Variants in VWF observed in about 807,000 individuals in gnomAD.
VWF encodes Factor VIII related antigen.
A neutral mutation model predicts 308.6 loss-of-function variants in VWF; 176 were observed. The observed-to-expected ratio is 0.57, with a 90% CI of 0.50 to 0.65. VWF has a LOEUF of 0.65. Ranked by LOEUF, VWF falls within the 30% of genes least tolerant of loss-of-function variation. The pLI is 0.00. For synonymous variants in VWF, 1,385 were observed against 1,443.4 expected, an observed-to-expected ratio of 0.96 and a Z score of 0.92; for missense variants, 3,146 against 3,648.2, an observed-to-expected ratio of 0.86 and a Z score of 3.55.
At chr12:5,978,152 C>T (rs906347821) in intron 42 of VWF, among the ~76,000 whole-genome samples, 1 of 147,916 alleles carries the variant, frequency 6.8e-6, no homozygotes, top group Non-Finnish European at 1.5e-5. Context: ...TATATTACAT[C>T]ATAATATAAT....
intron 34 of VWF, among the ~76,000 whole-genome samples, chr12:6,001,771 G>A (rs909252133): frequency 2.6e-5 from 4 of 152,128 alleles, no homozygotes; most frequent in Admixed American, 1.3e-4. Flanking sequence ...GGAAGAGAGC[G>A]AGGGATCTCA....
In VWF at chr12:5,953,614, A is replaced by G. The variant is rs927516240; in HGVS notation, c.7888-20T>C. The G allele has an allele frequency of 6.2e-6, 10 of 1,605,584 alleles. No individual in the cohort carries two copies. Among genetic ancestry groups the G allele is most frequent in the Non-Finnish European group, 8.5e-6 (10 of 1,172,258 alleles). ...GTAACCCTGCATCCAGAGGGGGAAA[A>G]AGCAGCCATAGTTAACCTCCTTAAA... On this transcript the variant is annotated intron_variant, in intron 47 of 51. Coordinates refer to ENST00000261405, the MANE Select transcript of VWF (RefSeq NM_000552.5).
intron 6 of VWF, among the ~76,000 whole-genome samples, chr12:6,090,837 C>T (rs1476930026): frequency 5.9e-5 from 9 of 152,250 alleles, no homozygotes. Context: ...CTCAAACCCA[C>T]ACCCTTAGCA....
chr12:6,039,458 C>T (rs943235193), intron 18 of VWF, among the ~76,000 whole-genome samples: 2 of 152,250 alleles, frequency 1.3e-5, no homozygotes, highest in Non-Finnish European at 2.9e-5. Flanking sequence ...CATTCTCCTA[C>T]CCCATCAGTA....
intron 16 of VWF, among the ~76,000 whole-genome samples, chr12:6,047,469 A>G (rs216299): frequency 0.88 from 134,409 of 152,228 alleles, 59,459 homozygotes; most frequent in Middle Eastern, 0.91. Context: ...CAGAAACCCA[A>G]GATCATCCCT....
intron 6 of VWF, among the ~76,000 whole-genome samples, chr12:6,092,565 T>C (rs1945049696): frequency 6.9e-6 from 1 of 145,236 alleles, no homozygotes; most frequent in Non-Finnish European, 1.5e-5. Context: ...GCCCAGCTAG[T>C]GTGTGTGCGT....
At chr12:6,095,714 CTA>C in intron 5 of VWF, 130 bp from the exon 6 acceptor site, 10 of 1,357,238 alleles carry the variant, frequency 7.4e-6, no homozygotes, top group South Asian at 1.2e-5. Flanking sequence ...CAGGGTCTGG[CTA>C]TGTTTCCCAG....
At position 6,052,738 on chromosome 12, in the gene VWF, G is replaced by A. The variant is rs202186148; in HGVS notation, c.1991C>T (p.Pro664Leu). Residue 664 changes from proline (P) to leucine (L), a missense_variant, in exon 16 of 52, where the codon CCC becomes CTC. Physicochemically the swap from Pro to Leu is moderately conservative, Grantham distance 98. Around this residue, in one of 3 missense-constraint regions of VWF, gnomAD observed 1,304 missense variants for 1,353.0 expected, o/e 0.96. Transcript: ENST00000261405. The stretch of plus-strand genomic sequence containing the variant: ...GAGAGAGCGGCAGGTCAGGTTGCAG[G>A]GGGTCCCGCACTGCAGGTACACCTG... ...KGQVYLQCGT[P>L]CNLTCRSLSY... The A allele has an allele frequency of 3.7e-6, 6 of 1,614,154 alleles. No homozygotes were observed. The African/African-American group carries it at 6.7e-5, about 18-fold the overall frequency.
Position 6,056,760 on chromosome 12 carries a change from T to C in VWF, c.1945+97A>G. On this transcript the variant is annotated intron_variant, in intron 15 of 51. Transcript: ENST00000261405. Reference sequence around the variant, plus strand: ...GTTTGTCACAATGCCCTACGCCCTCTTTCCACAGGAAACAACGCAGAGAAA... The same window carrying C: ...GTTTGTCACAATGCCCTACGCCCTCCTTCCACAGGAAACAACGCAGAGAAA... 16 of 1,127,740 alleles carry C rather than the reference T, an allele frequency of 1.4e-5. No individual in the cohort carries two copies. In the South Asian group the frequency reaches 3.8e-4, roughly 27 times the overall value. The allele number at this position is 1,127,740 out of a possible 1,614,324, so 69.9% of individuals were successfully genotyped here. A position where few individuals can be genotyped will look rare whatever the true frequency, so the allele number is the denominator to read the frequency against.
chr12:6,008,495 C>G (rs981433766), intron 34 of VWF, among the ~76,000 whole-genome samples: 1 of 152,102 alleles, frequency 6.6e-6, no homozygotes, highest in Non-Finnish European at 1.5e-5. Flanking sequence ...AAACATTCAA[C>G]AAACTAAGAA....
chr12:5,988,387 C>T (rs1021505484), intron 38 of VWF, among the ~76,000 whole-genome samples: 11 of 152,116 alleles, frequency 7.2e-5, no homozygotes, highest in African/African-American at 1.4e-4. Context: ...GCGCTGGCCT[C>T]GGAGGGCTGG....
chr12:5,994,697 T>G (rs1419528236), intron 35 of VWF, 90 bp from the exon 36 acceptor site: 22 of 1,181,090 alleles, frequency 1.9e-5, no homozygotes, highest in Non-Finnish European at 2.5e-5. Flanking sequence ...TGCACATTCA[T>G]CACACTCAAC....
chr12:6,035,753 C>T (rs1055364797), intron 19 of VWF, among the ~76,000 whole-genome samples: 7 of 152,152 alleles, frequency 4.6e-5, no homozygotes, highest in African/African-American at 1.7e-4. Flanking sequence ...GGGCGAGGTC[C>T]CTGTCTTCCC....
chr12:6,036,209 G>C (rs1944334691), intron 19 of VWF, among the ~76,000 whole-genome samples, 179 bp downstream of exon 19: 1 of 152,218 alleles, frequency 6.6e-6, no homozygotes, highest in Non-Finnish European at 1.5e-5. Flanking sequence ...ATGGACACAG[G>C]TGATGAAAAA....
chr12:6,110,132 G>A (rs764727454), intron 5 of VWF, among the ~76,000 whole-genome samples: 4 of 152,176 alleles, frequency 2.6e-5, no homozygotes, highest in South Asian at 2.1e-4. Context: ...CATCTGCCAC[G>A]TGCAAGTTGC....
chr12:6,018,558 A>C lies in VWF; in HGVS notation c.4860T>G (p.Pro1620=), dbSNP rs1206133027. 4 of 1,613,886 alleles carry C rather than the reference A, an allele frequency of 2.5e-6. No individual in the cohort carries two copies. In the African/African-American group the frequency reaches 5.3e-5, roughly 22 times the overall value. ...CAATGGGCACCACCTGGATGTCTCC[A>C]GGCAGCCTCTTGATCTCATCAGAGG... is the stretch of plus-strand genomic sequence containing the variant. The part of the protein sequence containing the change: ...NPASDEIKRL[P]GDIQVVPIGV... The change falls in exon 28 of 52, where the codon CCT becomes CCG. Residue 1620 remains proline, a synonymous_variant. Transcript: ENST00000261405.
chr12:6,094,365 G>C (rs1290206698), intron 6 of VWF, among the ~76,000 whole-genome samples: 1 of 152,196 alleles, frequency 6.6e-6, no homozygotes. Flanking sequence ...CCTTCCAGCT[G>C]AGCTGGTATA....
chr12:6,117,933 T>C lies in VWF; in HGVS notation c.220+3241A>G, dbSNP rs1030700505. ...TTCCGACTGCAACTCTGGCTCTGTC[T>C]GTGCTTCCATTTCCTGCTGGGGGCA... On this transcript the variant is annotated intron_variant, in intron 3 of 51. Coordinates refer to ENST00000261405, the MANE Select transcript of VWF (RefSeq NM_000552.5). 2.6e-5 allele frequency among the ~76,000 whole-genome samples: 4 copies of C among 152,240 alleles called. No homozygotes were observed. In the South Asian group the frequency reaches 8.3e-4, roughly 31 times the overall value.
chr12:6,103,425 TACACAC>T lies in VWF; in HGVS notation c.532+6943_532+6948del, dbSNP rs1565391000. Among the ~76,000 whole-genome samples the T allele has an allele frequency of 7.5e-4, 89 of 118,190 alleles. 9 individuals are homozygous for T. Among genetic ancestry groups the T allele is most frequent in the African/African-American group, 4.4e-3 (86 of 19,430 alleles). 77.5% of individuals were successfully genotyped at this position (118,190 alleles called of 152,430 possible). A position where few individuals can be genotyped will look rare whatever the true frequency, so the allele number is the denominator to read the frequency against. On this transcript the variant is annotated intron_variant, in intron 5 of 51. Transcript: ENST00000261405. ...GTGTGTGTATACACACGTGTGTGTA[TACACAC>T]GTGTGTATATACATACACATATATG...
Sources: gnomAD v4.1 joint callset for allele counts (sites outside exome capture counted in the v4.1 genomes callset) on GRCh38, gnomAD v4.1.1 for gene constraint, gnomAD v4.1.1 regional missense constraint, MANE v1.5 for transcripts, NCBI Gene and HGNC (gene_info 2026-07-23, HGNC 2026-07-21) for gene names.